The following SLIT3 variants were observed in gnomAD, a reference collection of about 807,000 sequenced individuals.
The protein encoded by SLIT3 is slit homolog 3 protein.
SLIT3 carries 68 observed loss-of-function variants against 184.0 expected under a neutral mutation model. The observed-to-expected ratio is 0.37, with a 90% CI of 0.30 to 0.45. The LOEUF (loss-of-function observed/expected upper bound fraction) is 0.45. SLIT3 is among the 20% of genes least tolerant of loss of function. The pLI, the probability that SLIT3 is intolerant of heterozygous loss-of-function variation, is 1.00. For missense variants in SLIT3, 1,707 were observed against 2,026.0 expected (o/e 0.84, Z 3.02); for synonymous variants, 831 against 828.6 (o/e 1.00, Z -0.05).
intron 9 of SLIT3, among the ~76,000 whole-genome samples, chr5:168,796,379 C>T (rs1756565922): frequency 6.6e-6 from 1 of 152,208 alleles, no homozygotes; most frequent in Non-Finnish European, 1.5e-5. Context: ...CAAATGACTT[C>T]CTGTCACCAA....
chr5:168,827,201 T>C (rs1445325326), intron 6 of SLIT3, among the ~76,000 whole-genome samples: 4 of 152,228 alleles, frequency 2.6e-5, no homozygotes, highest in Non-Finnish European at 4.4e-5. Context: ...AGGCCCATGT[T>C]AGTTTCCTAT....
Position 168,967,198 on chromosome 5 carries a change from A to G in SLIT3, c.414-83862T>C, listed in dbSNP as rs1317479302. 2.0e-5 allele frequency among the ~76,000 whole-genome samples: 3 copies of G among 152,226 alleles called. No individual in the cohort carries two copies. The East Asian group carries it at 5.8e-4, about 29-fold the overall frequency. ...GAAGGTAGGTTTCCAAAGAGTACATATAGTATAATCCAATGCTATAAATGT... is the reference window on the plus strand; with the variant it reads ...GAAGGTAGGTTTCCAAAGAGTACATGTAGTATAATCCAATGCTATAAATGT... On this transcript the variant is annotated intron_variant, in intron 4 of 35. Transcript: ENST00000519560.
intron 4 of SLIT3, among the ~76,000 whole-genome samples, chr5:169,187,111 G>GTTTATTTTTTT (rs1763371982): frequency 1.1e-5 from 1 of 94,418 alleles, no homozygotes; most frequent in Non-Finnish European, 1.9e-5. Context: ...GCAGCTATAG[G>GTTTATTTTTTT]TTTTTTTTTT....
At chr5:169,149,488 A>T (rs1432902540) in intron 4 of SLIT3, among the ~76,000 whole-genome samples, 1 of 152,052 alleles carries the variant, frequency 6.6e-6, no homozygotes. Context: ...TCTGTAAGAG[A>T]CCCAGACTCC....
intron 25 of SLIT3, among the ~76,000 whole-genome samples, chr5:168,709,527 G>A (rs1420923246): frequency 6.6e-6 from 1 of 152,242 alleles, no homozygotes; most frequent in Admixed American, 6.5e-5. Flanking sequence ...GTGCAGCCAA[G>A]ATTGAGACCT....
At chr5:169,278,912 G>A (rs1222843904) in intron 1 of SLIT3, among the ~76,000 whole-genome samples, 1 of 152,142 alleles carries the variant, frequency 6.6e-6, no homozygotes, top group African/African-American at 2.4e-5. Context: ...ACTGGAGTTG[G>A]TTAAAGTTTC....
chr5:168,704,485 G>T (rs578261587), intron 26 of SLIT3, among the ~76,000 whole-genome samples: 10 of 152,320 alleles, frequency 6.6e-5, no homozygotes, highest in Admixed American at 3.9e-4. Context: ...TAGAGACTTT[G>T]TTGCAAGAGA....
chr5:169,007,488 T>G (rs1239885855), intron 4 of SLIT3, among the ~76,000 whole-genome samples: 3 of 152,232 alleles, frequency 2.0e-5, no homozygotes, highest in African/African-American at 7.2e-5. Flanking sequence ...GAATAGATGT[T>G]AAAATAAGAT....
chr5:168,772,570 TTGTGTGTGTGTG>T (rs538634517), intron 14 of SLIT3, 199 bp downstream of exon 14: 3 of 497,122 alleles, frequency 6.0e-6, no homozygotes, highest in East Asian at 3.5e-5. Flanking sequence ...CATGCTTTTA[TTGTGTGTGTGTG>T]TGTGTGTGTG....
chr5:169,060,706 C>T (rs563420329), intron 4 of SLIT3, among the ~76,000 whole-genome samples: 1 of 152,330 alleles, frequency 6.6e-6, no homozygotes, highest in South Asian at 2.1e-4. Flanking sequence ...CAGCCTAAGG[C>T]TGACCAGGAG....
At chr5:169,242,620 G>C (rs1053157614) in intron 3 of SLIT3, among the ~76,000 whole-genome samples, 2 of 152,188 alleles carry the variant, frequency 1.3e-5, no homozygotes, top group African/African-American at 4.8e-5. Context: ...TTGTCCCTGA[G>C]TCTCCACTTG....
At chr5:169,267,177 T>G in intron 1 of SLIT3, among the ~76,000 whole-genome samples, 1 of 152,062 alleles carries the variant, frequency 6.6e-6, no homozygotes, top group Non-Finnish European at 1.5e-5. Context: ...ACAGGGAGAT[T>G]AAGACACCTG....
intron 4 of SLIT3, among the ~76,000 whole-genome samples, chr5:169,130,402 G>C (rs1761251625): frequency 6.6e-6 from 1 of 152,230 alleles, no homozygotes; most frequent in Non-Finnish European, 1.5e-5. Flanking sequence ...ATAACAGTGA[G>C]ATGATCTGAT....
intron 4 of SLIT3, among the ~76,000 whole-genome samples, chr5:168,884,328 G>C (rs1433040012): frequency 2.7e-5 from 4 of 150,824 alleles, no homozygotes; most frequent in African/African-American, 9.8e-5. Context: ...GCCTCTCTGA[G>C]GACTATGGCG....
At chr5:168,774,058 A>G (rs931150286) in intron 13 of SLIT3, among the ~76,000 whole-genome samples, 177 bp downstream of exon 13, 2 of 152,210 alleles carry the variant, frequency 1.3e-5, no homozygotes, top group Non-Finnish European at 2.9e-5. Context: ...TGTCAAGCAC[A>G]GTGTAAGTGC....
chr5:168,791,315 G>C (rs1321246246), intron 10 of SLIT3: 1 of 152,226 alleles, frequency 6.6e-6, no homozygotes, highest in African/African-American at 2.4e-5. Flanking sequence ...CTCTGGGAGG[G>C]CAAACTGGTT....
intron 32 of SLIT3, among the ~76,000 whole-genome samples, chr5:168,681,075 G>T (rs1357902381): frequency 1.3e-5 from 2 of 152,218 alleles, no homozygotes; most frequent in Non-Finnish European, 2.9e-5. Context: ...CTTGAGGCTG[G>T]GAGGTGGAGG....
At chr5:169,298,176 G>C (rs1463330509) in intron 1 of SLIT3, among the ~76,000 whole-genome samples, 1 of 152,024 alleles carries the variant, frequency 6.6e-6, no homozygotes, top group Non-Finnish European at 1.5e-5. Flanking sequence ...AGATACCATC[G>C]CGGCACCCCC....
At chr5:169,250,255 C>A (rs1765726633) in intron 2 of SLIT3, among the ~76,000 whole-genome samples, 1 of 152,186 alleles carries the variant, frequency 6.6e-6, no homozygotes, top group Non-Finnish European at 1.5e-5. Flanking sequence ...ATGAAAGTAT[C>A]ATATCCATCA....
Sources: gnomAD v4.1 joint callset for allele counts (sites outside exome capture counted in the v4.1 genomes callset) on GRCh38, gnomAD v4.1.1 for gene constraint, MANE v1.5 for transcripts, NCBI Gene and HGNC (gene_info 2026-07-23, HGNC 2026-07-21) for gene names.